Variants in ELP6 observed in about 807,000 individuals in gnomAD.
ELP6 encodes elongator complex protein 6.
In ELP6, 23 loss-of-function variants were observed where a neutral mutation model predicts 28.1. That is an observed-to-expected ratio of 0.82 (90% confidence interval 0.59 to 1.16). The LOEUF (loss-of-function observed/expected upper bound fraction) is 1.16, where lower values mean the gene tolerates loss of function less well. Ranked by LOEUF, ELP6 falls within the 50% of genes most tolerant of loss-of-function variation. The probability of loss-of-function intolerance (pLI) is 0.00; values close to 1 mark genes in which losing one functional copy is unlikely to be tolerated. For missense variants in ELP6, 313 were observed against 334.6 expected (o/e 0.94, Z 0.50); for synonymous variants, 132 against 135.8 (o/e 0.97, Z 0.19).
At chr3:47,498,262 G>A (rs752801170) in intron 6 of ELP6, 24 bp downstream of exon 6, 155 of 1,611,710 alleles carry the variant, frequency 9.6e-5, no homozygotes, top group Non-Finnish European at 1.2e-4. Context: ...CAAGAAGCCT[G>A]TTGCCCAGGA....
At chr3:47,509,658 A>G (rs1230530177) in intron 3 of ELP6, among the ~76,000 whole-genome samples, 1 of 152,230 alleles carries the variant, frequency 6.6e-6, no homozygotes, top group Non-Finnish European at 1.5e-5. Flanking sequence ...GAGTAGAGAA[A>G]GGTTTGATTA....
At chr3:47,506,013 C>T (rs1358996358) in intron 3 of ELP6, among the ~76,000 whole-genome samples, 4 of 152,118 alleles carry the variant, frequency 2.6e-5, no homozygotes, top group Non-Finnish European at 4.4e-5. Flanking sequence ...TTTCCCTAAG[C>T]GTTGGCCGGC....
chr3:47,511,127 C>T (rs754992653), intron 2 of ELP6, 21 bp downstream of exon 2: 5 of 1,601,382 alleles, frequency 3.1e-6, no homozygotes, highest in Admixed American at 1.7e-5. Context: ...TTCTTTTCTA[C>T]AGCATCAATG....
Position 47,511,325 on chromosome 3 carries a change from C to A in ELP6, c.55-99G>T, listed in dbSNP as rs1335179055. On this transcript the variant is annotated intron_variant, in intron 1 of 6. Coordinates refer to ENST00000296149, the MANE Select transcript of ELP6 (RefSeq NM_001031703.3). ...TTGTGTCCACACCTTAATTTCTCCA[C>A]CTGAAGAGTTTATTTTTTTAATGAC... 43 of 1,473,218 alleles carry A rather than the reference C, an allele frequency of 2.9e-5. No individual in the cohort carries two copies. In the Admixed American group the frequency reaches 3.3e-4, roughly 11 times the overall value. 91.3% of individuals were successfully genotyped at this position (1,473,218 alleles called of 1,614,324 possible).
intron 3 of ELP6, among the ~76,000 whole-genome samples, chr3:47,509,150 T>C (rs1138330): frequency 2.0e-5 from 3 of 151,314 alleles, no homozygotes; most frequent in African/African-American, 7.3e-5. Context: ...TTAGTAGAGA[T>C]GGGGTTTTGC....
chr3:47,501,968 G>T, intron 4 of ELP6, 117 bp from the exon 5 acceptor site: 1 of 959,258 alleles, frequency 1.0e-6, no homozygotes, highest in Non-Finnish European at 1.6e-6. Flanking sequence ...ACAATTCTTG[G>T]CAACAAAGAC....
chr3:47,511,576 T>C (rs550636314), intron 1 of ELP6: 3 of 798,366 alleles, frequency 3.8e-6, no homozygotes, highest in East Asian at 2.5e-4. Context: ...GCTTTTACCA[T>C]CAGACTCCAG....
chr3:47,501,944 C>G (rs1708673877), intron 4 of ELP6, 93 bp from the exon 5 acceptor site: 2 of 1,176,442 alleles, frequency 1.7e-6, no homozygotes, highest in Non-Finnish European at 2.4e-6. Flanking sequence ...CTAAGGGGGA[C>G]AAAGAACTGT....
rs535629522 is a variant in ELP6 at position 47,502,831 on chromosome 3, C to A, written c.324-980G>T. On this transcript the variant is annotated intron_variant, in intron 4 of 6. Coordinates refer to ENST00000296149, the MANE Select transcript of ELP6 (RefSeq NM_001031703.3). ...CTCCAGCTTGGAAAACAGAGCAAGACCCTGTCTCAAAAAAAAAAATGAAAA... is the reference window on the plus strand; with the variant it reads ...CTCCAGCTTGGAAAACAGAGCAAGAACCTGTCTCAAAAAAAAAAATGAAAA... 1.7e-4 allele frequency among the ~76,000 whole-genome samples: 26 copies of A among 152,052 alleles called. 2 individuals carry two copies. In the South Asian group the frequency reaches 5.4e-3, roughly 32 times the overall value.
chr3:47,496,156 G>T lies in ELP6; in HGVS notation c.714C>A (p.His238Gln). 3.7e-6 allele frequency: 6 copies of T among 1,614,140 alleles called. No individual in the cohort carries two copies. Among genetic ancestry groups the T allele is most frequent in the Non-Finnish European group, 4.2e-6 (5 of 1,180,028 alleles). The change falls in exon 7 of 7, where the codon CAC becomes CAA. Residue 238 changes from histidine to glutamine, a missense_variant. His to Gln is a conservative substitution (Grantham distance 24). Transcript: ENST00000296149. ...LWRRPSQPAV[H>Q]RDQSFTYQYK... is the part of the protein sequence containing the mutation. Reference sequence around the variant, plus strand: ...ACTGGTAAGTGAAGCTCTGATCCCGGTGGACTGCGGGCTGCGATGGTCTCC... The same window carrying T: ...ACTGGTAAGTGAAGCTCTGATCCCGTTGGACTGCGGGCTGCGATGGTCTCC...
chr3:47,499,375 C>T (rs550136355), intron 5 of ELP6, among the ~76,000 whole-genome samples: 3 of 152,028 alleles, frequency 2.0e-5, no homozygotes, highest in Non-Finnish European at 4.4e-5. Flanking sequence ...AAAATTTAGC[C>T]GGGCATGGTG....
In ELP6 at chr3:47,501,880, C is replaced by T. The variant is rs570832196; in HGVS notation, c.324-29G>A. 18 of 1,593,904 alleles carry T rather than the reference C, an allele frequency of 1.1e-5. No homozygotes were observed. The East Asian group carries it at 3.4e-4, about 30-fold the overall frequency. ...GAGAGACAGGACAAAAGTTACCAGACTTCACTCTCTCTACAGATGTTTATC... is the reference window on the plus strand; with the variant it reads ...GAGAGACAGGACAAAAGTTACCAGATTTCACTCTCTCTACAGATGTTTATC... On this transcript the variant is annotated intron_variant, in intron 4 of 6. Coordinates refer to ENST00000296149, the MANE Select transcript of ELP6 (RefSeq NM_001031703.3).
At chr3:47,513,382 C>T in intron 1 of ELP6, 155 bp downstream of exon 1, 6 of 1,427,674 alleles carry the variant, frequency 4.2e-6, no homozygotes, top group Non-Finnish European at 5.5e-6. Context: ...AGCCTCCAGT[C>T]CAATCCCCGG....
chr3:47,502,432 A>AAG (rs1292106027), intron 4 of ELP6: 1 of 967,190 alleles, frequency 1.0e-6, no homozygotes, highest in Non-Finnish European at 1.2e-6. Flanking sequence ...AAAAAAAAAA[A>AAG]AAAAAAAGAG....
Position 47,507,326 on chromosome 3 carries a change from ACTC to A in ELP6, c.204+2855_204+2857del, listed in dbSNP as rs200233774. ...TGGTGAGCTGAGATCACACCATTGC[ACTC>A]CAGCCTGGGCAACAAGAGTGAAACT... On this transcript the variant is annotated intron_variant, in intron 3 of 6. Transcript: ENST00000296149. Among the ~76,000 whole-genome samples, 1,219 of 147,748 alleles carry A rather than the reference ACTC, an allele frequency of 8.3e-3. 18 individuals are homozygous for A. The highest frequency in any genetic ancestry group is 0.029 in the African/African-American group (1,164 of 39,966).
chr3:47,504,184 G>T, intron 4 of ELP6, 146 bp downstream of exon 4: 2 of 986,776 alleles, frequency 2.0e-6, no homozygotes, highest in African/African-American at 1.6e-5. Context: ...AGCATTTGAT[G>T]ATGCTGCAAC....
intron 1 of ELP6, 34 bp downstream of exon 1, chr3:47,513,503 G>GTCCCGCCCCC: frequency 6.2e-7 from 1 of 1,606,964 alleles, no homozygotes. Context: ...GCCCTGCCAG[G>GTCCCGCCCCC]TCCCGCCCCC....
chr3:47,504,724 G>A, intron 3 of ELP6: 1 of 842,724 alleles, frequency 1.2e-6, no homozygotes, highest in African/African-American at 1.8e-5. Context: ...GGGAGGCTGA[G>A]GCAGGTGGAT....
intron 3 of ELP6, among the ~76,000 whole-genome samples, chr3:47,506,123 C>T (rs1260016098): frequency 1.3e-5 from 2 of 152,108 alleles, no homozygotes; most frequent in Admixed American, 6.6e-5. Flanking sequence ...CCCCACAAGC[C>T]GCAAAACCAG....
Sources: allele counts gnomAD v4.1 joint callset (sites outside exome capture counted in the v4.1 genomes callset), GRCh38; gene constraint gnomAD v4.1.1; transcripts MANE v1.5; gene names NCBI Gene and HGNC (gene_info 2026-07-23, HGNC 2026-07-21).